CNTN5: variants seen among roughly 807,000 people sequenced by gnomAD.
The protein encoded by CNTN5 is contactin 5, also known as contactin-5.
In CNTN5, 77 loss-of-function variants were observed where a neutral mutation model predicts 129.1. The ratio of observed to expected loss-of-function variants is 0.60; its 90% CI spans 0.50 to 0.72. The LOEUF (loss-of-function observed/expected upper bound fraction) is 0.72, where lower values mean the gene tolerates loss of function less well. Ranked by LOEUF, CNTN5 falls within the 30% of genes least tolerant of loss-of-function variation. The pLI is 0.00. For missense variants in CNTN5, 1,478 were observed against 1,328.8 expected (o/e 1.11, Z -1.75); for synonymous variants, 509 against 465.6 (o/e 1.09, Z -1.20).
chr11:99,336,748 A>C (rs1000597819), intron 2 of CNTN5, among the ~76,000 whole-genome samples: 1 of 151,982 alleles, frequency 6.6e-6, no homozygotes, highest in African/African-American at 2.4e-5. Context: ...GAATCGCTTG[A>C]ACCCAGGAGG....
intron 1 of CNTN5, among the ~76,000 whole-genome samples, chr11:99,196,151 T>A (rs920397388): frequency 1.3e-5 from 2 of 151,004 alleles, no homozygotes; most frequent in African/African-American, 4.9e-5. Flanking sequence ...AGTGAGTGAC[T>A]TACAGTAAAA....
rs574326384 is a variant in CNTN5 at position 100,009,463 on chromosome 11, T to C, written c.980+7327T>C. Among the ~76,000 whole-genome samples the C allele has an allele frequency of 2.2e-3, 324 of 147,510 alleles. 2 individuals are homozygous for C. The highest frequency in any genetic ancestry group is 2.0e-3 in the Non-Finnish European group (133 of 66,544). On this transcript the variant is annotated intron_variant, in intron 9 of 24. Coordinates refer to ENST00000524871, the MANE Select transcript of CNTN5 (RefSeq NM_014361.4). ...ACACAGCAAAGTGTAAAAAAAAAAA[T>C]GGAGGGGGATTAATTAGTTGGAAAG...
rs117201870 is a variant in CNTN5, at chr11:99,758,577, C to A, written c.56-60967C>A. The stretch of plus-strand genomic sequence containing the variant: ...GAGAGATGAATGAAAAGATAATTTT[C>A]ATAGAATGTGATAAATTTAATTATA... On this transcript the variant is annotated intron_variant, in intron 3 of 24. Coordinates refer to ENST00000524871, the MANE Select transcript of CNTN5 (RefSeq NM_014361.4). Among the ~76,000 whole-genome samples the A allele has an allele frequency of 5.8e-3, 882 of 151,960 alleles. 5 individuals carry two copies. Among genetic ancestry groups the A allele is most frequent in the Non-Finnish European group, 0.01 (696 of 67,906 alleles).
chr11:99,887,139 ATTTC>A (rs1948922072), intron 6 of CNTN5, among the ~76,000 whole-genome samples: 1 of 152,090 alleles, frequency 6.6e-6, no homozygotes, highest in South Asian at 2.1e-4. Flanking sequence ...TAAATATTTT[ATTTC>A]TTTATGTTCA....
intron 3 of CNTN5, among the ~76,000 whole-genome samples, chr11:99,792,696 G>A (rs1945795743): frequency 6.6e-6 from 1 of 152,002 alleles, no homozygotes; most frequent in Non-Finnish European, 1.5e-5. Context: ...TGGAATGGTA[G>A]CAGCTCAGCA....
intron 12 of CNTN5, among the ~76,000 whole-genome samples, chr11:100,073,576 A>G (rs1944014291): frequency 6.6e-6 from 1 of 151,996 alleles, no homozygotes; most frequent in Non-Finnish European, 1.5e-5. Context: ...TAGTATACAC[A>G]GTATTTATGA....
intron 1 of CNTN5, among the ~76,000 whole-genome samples, chr11:99,266,418 G>C (rs998388303): frequency 6.6e-6 from 1 of 151,928 alleles, no homozygotes; most frequent in Non-Finnish European, 1.5e-5. Flanking sequence ...AGAAAACTTG[G>C]TGGGACTCCA....
chr11:99,826,109 A>G (rs1219241535), intron 4 of CNTN5, among the ~76,000 whole-genome samples: 17 of 152,012 alleles, frequency 1.1e-4, no homozygotes, highest in Admixed American at 1.1e-3. Flanking sequence ...ATATAAGTGT[A>G]TTTTATCTGG....
intron 2 of CNTN5, among the ~76,000 whole-genome samples, chr11:99,378,375 G>A (rs1426387370): frequency 6.6e-6 from 1 of 151,988 alleles, no homozygotes; most frequent in Non-Finnish European, 1.5e-5. Flanking sequence ...GAAAAAACTA[G>A]TAGTCATAAC....
chr11:99,302,969 G>GTA (rs1236794968), intron 1 of CNTN5, among the ~76,000 whole-genome samples: 7 of 151,286 alleles, frequency 4.6e-5, no homozygotes, highest in Non-Finnish European at 4.4e-5. Context: ...GAAGAAACAG[G>GTA]TATACAACAT....
At chr11:99,126,553 G>C (rs1858643483) in intron 1 of CNTN5, among the ~76,000 whole-genome samples, 1 of 152,150 alleles carries the variant, frequency 6.6e-6, no homozygotes, top group Admixed American at 6.6e-5. Flanking sequence ...AGTGACTGCT[G>C]AATGTCCAAC....
intron 3 of CNTN5, among the ~76,000 whole-genome samples, chr11:99,677,879 T>C (rs907572664): frequency 1.3e-5 from 2 of 152,070 alleles, no homozygotes; most frequent in Non-Finnish European, 2.9e-5. Context: ...AAGCTTACTG[T>C]TTTCTAAACA....
intron 13 of CNTN5, among the ~76,000 whole-genome samples, chr11:100,164,240 A>C (rs1299328405): frequency 6.6e-6 from 1 of 151,878 alleles, no homozygotes; most frequent in African/African-American, 2.4e-5. Context: ...TTCTGATAAC[A>C]GGAGAATAAA....
intron 1 of CNTN5, among the ~76,000 whole-genome samples, chr11:99,195,507 C>T (rs1400844963): frequency 6.6e-6 from 1 of 151,942 alleles, no homozygotes; most frequent in East Asian, 1.9e-4. Flanking sequence ...CAAGAGTAAG[C>T]ACCCTTCATT....
intron 1 of CNTN5, among the ~76,000 whole-genome samples, chr11:99,230,566 A>G (rs1407389740): frequency 6.6e-6 from 1 of 152,216 alleles, no homozygotes; most frequent in African/African-American, 2.4e-5. Flanking sequence ...AGGTTTTGTC[A>G]TATCAATTTA....
At chr11:100,301,827 G>A (rs888276678) in intron 20 of CNTN5, among the ~76,000 whole-genome samples, 3 of 151,504 alleles carry the variant, frequency 2.0e-5, no homozygotes, top group Non-Finnish European at 4.4e-5. Flanking sequence ...AACATCTCTG[G>A]AATCCTATAC....
At chr11:99,556,554 A>ATATATATAT (rs1948671733) in intron 3 of CNTN5, among the ~76,000 whole-genome samples, 1 of 72,332 alleles carries the variant, frequency 1.4e-5, no homozygotes, top group Non-Finnish European at 2.9e-5. Flanking sequence ...AAGGCTTGGA[A>ATATATATAT]ATATATATAT....
chr11:99,999,642 C>T (rs923266474), intron 8 of CNTN5, among the ~76,000 whole-genome samples: 1 of 152,134 alleles, frequency 6.6e-6, no homozygotes, highest in East Asian at 1.9e-4. Context: ...TTTGACCCAG[C>T]CATCCCATTA....
Position 100,302,979 on chromosome 11 carries a change from T to C in CNTN5, c.2620+3583T>C, listed in dbSNP as rs758515831. 3.6e-4 allele frequency among the ~76,000 whole-genome samples: 54 copies of C among 151,748 alleles called. 1 individual carries two copies. In the Middle Eastern group the frequency reaches 0.014, roughly 38 times the overall value. Reference sequence around the variant, plus strand: ...ACTCTCACAACTCTGAGGTTTACTATTGCCCTAGAGTACTGTCAGAAAAAG... The same window carrying C: ...ACTCTCACAACTCTGAGGTTTACTACTGCCCTAGAGTACTGTCAGAAAAAG... On this transcript the variant is annotated intron_variant, in intron 20 of 24. Transcript: ENST00000524871.
Sources: gnomAD v4.1 joint callset for allele counts (sites outside exome capture counted in the v4.1 genomes callset) on GRCh38, gnomAD v4.1.1 for gene constraint, MANE v1.5 for transcripts, NCBI Gene and HGNC (gene_info 2026-07-23, HGNC 2026-07-21) for gene names.